The following INTS8 variants were observed in gnomAD, a reference collection of about 807,000 sequenced individuals.
INTS8 encodes protein kaonashi-1.
A neutral mutation model predicts 138.9 loss-of-function variants in INTS8; 47 were observed. That is an observed-to-expected ratio of 0.34 (90% CI 0.27 to 0.43). The LOEUF is 0.43. Ranked by LOEUF, INTS8 falls within the 20% of genes least tolerant of loss-of-function variation. INTS8 has a pLI of 1.00. For missense variants in INTS8, 996 were observed against 1,173.0 expected (o/e 0.85, Z 2.20); for synonymous variants, 392 against 400.9 (o/e 0.98, Z 0.27).
Position 94,881,064 on chromosome 8 carries a change from C to G in INTS8, c.*830C>G, listed in dbSNP as rs1473778108. ...AACTAGTTTAAAAAACATTAAATTT[C>G]ACCATTTGTAGAAATTCAAGTTTTA... is the stretch of plus-strand genomic sequence containing the variant. On this transcript the variant is annotated 3_prime_UTR_variant, in exon 27 of 27. Coordinates refer to ENST00000523731, the MANE Select transcript of INTS8 (RefSeq NM_017864.4). 1 of 397,930 alleles carries G rather than the reference C, an allele frequency of 2.5e-6. No homozygotes were observed. The highest frequency in any genetic ancestry group is 4.4e-6 in the Non-Finnish European group (1 of 225,580). The allele number at this position is 397,930 out of a possible 1,614,324, so 24.6% of individuals were successfully genotyped here.
chr8:94,864,728 G>A (rs1249278101), intron 16 of INTS8: 2 of 152,134 alleles, frequency 1.3e-5, no homozygotes, highest in Non-Finnish European at 2.9e-5. Flanking sequence ...GAAAATAAAA[G>A]AAATTCTGAA....
At chr8:94,852,422 A>C (rs553863511) in intron 13 of INTS8, among the ~76,000 whole-genome samples, 2 of 152,326 alleles carry the variant, frequency 1.3e-5, no homozygotes, top group East Asian at 3.9e-4. Context: ...AAGTGCAAAT[A>C]AAAATAGCTT....
rs1240787823 is a variant in INTS8, at chr8:94,841,603, G to GAA, written c.1118+16_1118+17dup. 2 of 1,366,212 alleles carry GAA rather than the reference G, an allele frequency of 1.5e-6. No individual in the cohort carries two copies. The allele number at this position is 1,366,212 out of a possible 1,614,324, so 84.6% of individuals were successfully genotyped here. The stretch of plus-strand genomic sequence containing the variant: ...AAAGCTCAACAGGGGTAAGTAAGTT[G>GAA]AAAAATTACTTCTTGATTTTTGAAT... On this transcript the variant is annotated intron_variant, in intron 9 of 26. Coordinates refer to ENST00000523731, the MANE Select transcript of INTS8 (RefSeq NM_017864.4).
chr8:94,880,282 TAAAC>T lies in INTS8; in HGVS notation c.*50_*53del. On this transcript the variant is annotated 3_prime_UTR_variant, in exon 27 of 27. Transcript: ENST00000523731. Reference sequence around the variant, plus strand: ...TATTTTTTAAACAATGGGCTAAAAATAAACAGTATTAAAAGGTTAAGTTTATATA... The same window carrying T: ...TATTTTTTAAACAATGGGCTAAAAATAGTATTAAAAGGTTAAGTTTATATA... 1 of 963,094 alleles carries T rather than the reference TAAAC, an allele frequency of 1.0e-6. No individual in the cohort carries two copies. 59.7% of individuals were successfully genotyped at this position (963,094 alleles called of 1,614,324 possible). A position where few individuals can be genotyped will look rare whatever the true frequency, so the allele number is the denominator to read the frequency against.
At position 94,880,243 on chromosome 8, in the gene INTS8, A is replaced by AT; in HGVS notation, c.*16dup. ...CAAAACTTTACTTTTAAGCAGTTAA[A>AT]TTTTTTTAACTTTTATTTTTTAAAC... is the stretch of plus-strand genomic sequence containing the variant. On this transcript the variant is annotated 3_prime_UTR_variant, in exon 27 of 27. Transcript: ENST00000523731. 2 of 1,504,510 alleles carry AT rather than the reference A, an allele frequency of 1.3e-6. No individual in the cohort carries two copies. Among genetic ancestry groups the AT allele is most frequent in the Non-Finnish European group, 1.8e-6 (2 of 1,096,528 alleles). The allele number at this position is 1,504,510 out of a possible 1,614,324, so 93.2% of individuals were successfully genotyped here. A position where few individuals can be genotyped will look rare whatever the true frequency, so the allele number is the denominator to read the frequency against.
rs1431178124 is a variant in INTS8 at position 94,823,312 on chromosome 8, G to T, written c.-120G>T. 6.6e-7 allele frequency: 1 copy of T among 1,521,618 alleles called. No individual in the cohort carries two copies. Among genetic ancestry groups the T allele is most frequent in the Non-Finnish European group, 8.8e-7 (1 of 1,139,140 alleles). 94.3% of individuals were successfully genotyped at this position (1,521,618 alleles called of 1,614,324 possible). A position where few individuals can be genotyped will look rare whatever the true frequency, so the allele number is the denominator to read the frequency against. ...GCCATTTTGGATTGTGTGAGTTTCC[G>T]GGACGTTCGGAGGGTGGCCTCTCTC... On this transcript the variant is annotated 5_prime_UTR_variant, in exon 1 of 27. Transcript: ENST00000523731.
rs976984866 is a variant in INTS8, at chr8:94,880,174, G to T, written c.2928G>T (p.Gln976His). The T allele has an allele frequency of 7.4e-6, 12 of 1,612,212 alleles. 1 individual carries two copies. Among genetic ancestry groups the T allele is most frequent in the Middle Eastern group, 1.6e-4 (1 of 6,082 alleles). The change falls in exon 27 of 27, where the codon CAG becomes CAT. Residue 976 changes from glutamine to histidine, a missense_variant. Coordinates refer to ENST00000523731, the MANE Select transcript of INTS8 (RefSeq NM_017864.4). ...LNASNPEEVL[Q>H]LAAQRRKKKF... is the part of the protein sequence containing the mutation. ...CAAGCAATCCAGAAGAAGTGTTACAGCTGGCAGCGCAGAGAAGGAAAAAAA... is the reference window on the plus strand; with the variant it reads ...CAAGCAATCCAGAAGAAGTGTTACATCTGGCAGCGCAGAGAAGGAAAAAAA...
chr8:94,877,805 TCTTA>T (rs1319050973), intron 26 of INTS8, among the ~76,000 whole-genome samples: 3 of 152,220 alleles, frequency 2.0e-5, no homozygotes, highest in Non-Finnish European at 4.4e-5. Flanking sequence ...CCTATCCTTC[TCTTA>T]CTTCCTTGCT....
intron 7 of INTS8, among the ~76,000 whole-genome samples, chr8:94,837,863 C>G (rs1423147303): frequency 1.3e-4 from 20 of 152,044 alleles, no homozygotes; most frequent in Admixed American, 1.3e-3. Context: ...ATTGCATATT[C>G]TTACCATTTT....
chr8:94,843,753 T>C (rs1482597627), intron 10 of INTS8, among the ~76,000 whole-genome samples: 1 of 152,184 alleles, frequency 6.6e-6, no homozygotes. Context: ...TACGTACCAG[T>C]TTATGTTACA....
At position 94,859,602 on chromosome 8, in the gene INTS8, A is replaced by G; in HGVS notation, c.2046A>G (p.Ala682=). ...ENEYLTLQVP[A]FLLQSNPYVK... is the part of the protein sequence containing the mutation. ...AATACCTTACACTCCAAGTTCCTGCATTTTTGCTTCAGAGTAATCCATATG... is the reference window on the plus strand; with the variant it reads ...AATACCTTACACTCCAAGTTCCTGCGTTTTTGCTTCAGAGTAATCCATATG... Residue 682 remains alanine, a synonymous_variant, in exon 16 of 27, where the codon GCA becomes GCG. Transcript: ENST00000523731. 1.2e-6 allele frequency: 2 copies of G among 1,612,246 alleles called. No homozygotes were observed. The highest frequency in any genetic ancestry group is 1.7e-6 in the Non-Finnish European group (2 of 1,178,484).
chr8:94,861,285 G>C (rs1261164742), intron 16 of INTS8, among the ~76,000 whole-genome samples: 6 of 7,442 alleles, frequency 8.1e-4, no homozygotes, highest in Non-Finnish European at 1.6e-3. Context: ...TTTTTGAGAC[G>C]GAGTCTCGCT....
intron 1 of INTS8, 118 bp downstream of exon 1, chr8:94,823,679 G>T (rs1315346155): frequency 5.0e-6 from 4 of 792,434 alleles, no homozygotes; most frequent in Non-Finnish European, 7.7e-6. Context: ...GCGCGCACAG[G>T]AGCCCAGCTC....
chr8:94,872,203 A>C (rs1358294321), intron 21 of INTS8, among the ~76,000 whole-genome samples: 1 of 151,880 alleles, frequency 6.6e-6, no homozygotes, highest in African/African-American at 2.4e-5. Context: ...TACGTTGACT[A>C]CCTTTATTCT....
chr8:94,869,516 G>A (rs749774742), intron 20 of INTS8, among the ~76,000 whole-genome samples: 4 of 150,770 alleles, frequency 2.7e-5, no homozygotes, highest in African/African-American at 4.9e-5. Context: ...TTTTTGAGAC[G>A]GAGTCTTGCT....
Position 94,876,457 on chromosome 8 carries a change from A to G in INTS8, c.2839A>G (p.Lys947Glu), listed in dbSNP as rs765160422. ...ILEYLTYLHH[K>E]RGETDKRQIA... ...AACTGATTCATTAGATCTTCATCATAAAAGAGGAGAAACAGATAAAAGACA... is the reference window on the plus strand; with the variant it reads ...AACTGATTCATTAGATCTTCATCATGAAAGAGGAGAAACAGATAAAAGACA... Residue 947 changes from lysine (K) to glutamate (E), a missense_variant, in exon 26 of 27, where the codon AAA becomes GAA. Physicochemically the swap from Lys to Glu is moderately conservative, Grantham distance 56. Transcript: ENST00000523731. The G allele has an allele frequency of 1.9e-6, 3 of 1,549,984 alleles. No individual in the cohort carries two copies. Among genetic ancestry groups the G allele is most frequent in the Non-Finnish European group, 2.7e-6 (3 of 1,128,392 alleles).
chr8:94,846,864 C>T (rs1286942399), intron 10 of INTS8, among the ~76,000 whole-genome samples: 1 of 152,130 alleles, frequency 6.6e-6, no homozygotes, highest in Non-Finnish European at 1.5e-5. Context: ...CATAATTTCT[C>T]TCCTTACCTG....
chr8:94,878,506 G>T (rs28399592), intron 26 of INTS8, among the ~76,000 whole-genome samples: 1 of 152,064 alleles, frequency 6.6e-6, no homozygotes, highest in East Asian at 1.9e-4. Context: ...TGTTAAGCCC[G>T]CTATGCAGCC....
intron 20 of INTS8, 94 bp downstream of exon 20, chr8:94,867,431 G>T (rs1055308452): frequency 6.9e-6 from 6 of 866,004 alleles, no homozygotes; most frequent in Admixed American, 4.7e-5. Context: ...TTTTATTAAA[G>T]GGCCAGAAAT....
Sources: gnomAD v4.1 joint callset for allele counts (sites outside exome capture counted in the v4.1 genomes callset) on GRCh38, gnomAD v4.1.1 for gene constraint, MANE v1.5 for transcripts, NCBI Gene and HGNC (gene_info 2026-07-23, HGNC 2026-07-21) for gene names.